The following WFDC11 variants were observed in gnomAD, a reference collection of about 807,000 sequenced individuals.
The protein encoded by WFDC11 is WAP four-disulfide core domain 11, also known as protein WFDC11.
WFDC11 carries 9 observed loss-of-function variants against 9.9 expected under a neutral mutation model. The ratio of observed to expected loss-of-function variants is 0.91; its 90% CI spans 0.55 to 1.58. WFDC11 has a LOEUF of 1.58. Ranked by LOEUF, WFDC11 falls within the 40% of genes most tolerant of loss-of-function variation. The pLI is 0.00. For missense variants in WFDC11, 106 were observed against 101.7 expected (o/e 1.04, Z -0.18); for synonymous variants, 32 against 33.3 (o/e 0.96, Z 0.13).
rs144763618 is a variant in WFDC11 at position 45,654,465 on chromosome 20, C to T, written c.-51-3814G>A. Among the ~76,000 whole-genome samples the T allele has an allele frequency of 1.4e-3, 206 of 152,220 alleles. 1 individual carries two copies. Among genetic ancestry groups the T allele is most frequent in the African/African-American group, 4.6e-3 (191 of 41,510 alleles). On this transcript the variant is annotated intron_variant, in intron 2 of 4. Transcript: ENST00000324384. ...AGGGAAATTTATGACACTAAATGCCCACAAGAGAGAGCAGGAAAGATCTAA... is the reference window on the plus strand; with the variant it reads ...AGGGAAATTTATGACACTAAATGCCTACAAGAGAGAGCAGGAAAGATCTAA...
At chr20:45,655,631 G>T (rs556425668) in intron 2 of WFDC11, among the ~76,000 whole-genome samples, 1 of 152,308 alleles carries the variant, frequency 6.6e-6, no homozygotes, top group South Asian at 2.1e-4. Context: ...TAGGAAAAGA[G>T]GAAGTCAAAT....
At chr20:45,662,690 G>A (rs187404594) in intron 2 of WFDC11, among the ~76,000 whole-genome samples, 4 of 152,292 alleles carry the variant, frequency 2.6e-5, no homozygotes, top group Admixed American at 2.6e-4. Context: ...TGTGGTTTTT[G>A]TCTTTGGTTC....
chr20:45,650,238 G>GTATATATATA (rs373093139), intron 3 of WFDC11, among the ~76,000 whole-genome samples: 3 of 150,004 alleles, frequency 2.0e-5, no homozygotes, highest in African/African-American at 4.9e-5. Flanking sequence ...ACATGTGTTT[G>GTATATATATA]TATATATATA....
At chr20:45,658,283 T>A (rs1982978876) in intron 2 of WFDC11, among the ~76,000 whole-genome samples, 1 of 152,182 alleles carries the variant, frequency 6.6e-6, no homozygotes, top group African/African-American at 2.4e-5. Context: ...ACAGTATTGC[T>A]AACTAAGGGC....
chr20:45,649,942 C>A lies in WFDC11; in HGVS notation c.101-543G>T, dbSNP rs534354144. The stretch of plus-strand genomic sequence containing the variant: ...GTTTTCTTAGCCCCTCTATTCACCC[C>A]ATTTTCTCATCATATGACCCCCAAG... On this transcript the variant is annotated intron_variant, in intron 3 of 4. Transcript: ENST00000324384. Among the ~76,000 whole-genome samples the A allele has an allele frequency of 7.2e-5, 11 of 152,210 alleles. No individual in the cohort carries two copies. The South Asian group carries it at 2.3e-3, about 32-fold the overall frequency.
intron 2 of WFDC11, among the ~76,000 whole-genome samples, chr20:45,661,494 C>T (rs6065855): frequency 0.053 from 8,105 of 152,160 alleles, 300 homozygotes; most frequent in African/African-American, 0.1. Context: ...TCCTTGCCCA[C>T]GCCTATGTCC....
intron 1 of WFDC11, among the ~76,000 whole-genome samples, chr20:45,668,466 T>C (rs1438364153): frequency 6.6e-6 from 1 of 150,706 alleles, no homozygotes; most frequent in East Asian, 2.0e-4. Context: ...ATTTATATCA[T>C]TTACTTCTCT....
intron 2 of WFDC11, among the ~76,000 whole-genome samples, chr20:45,663,401 A>G (rs761920757): frequency 2.6e-5 from 4 of 151,954 alleles, no homozygotes; most frequent in Non-Finnish European, 5.9e-5. Flanking sequence ...GATTTCTTGA[A>G]GTGTTTTTTT....
At chr20:45,668,072 A>C (rs180977140) in intron 1 of WFDC11, among the ~76,000 whole-genome samples, 5 of 152,328 alleles carry the variant, frequency 3.3e-5, no homozygotes, top group Admixed American at 3.3e-4. Flanking sequence ...TGGTAGAAAC[A>C]AGATTTGAAA....
chr20:45,655,104 C>T (rs1750065081), intron 2 of WFDC11, among the ~76,000 whole-genome samples: 1 of 152,058 alleles, frequency 6.6e-6, no homozygotes, highest in Non-Finnish European at 1.5e-5. Context: ...CATCCTGATA[C>T]CAAAGGCTGG....
chr20:45,656,599 T>A (rs13039030), intron 2 of WFDC11, among the ~76,000 whole-genome samples: 27,231 of 149,464 alleles, frequency 0.18, 2,717 homozygotes, highest in East Asian at 0.31. Flanking sequence ...ATCTAATTAA[T>A]CTAAAGAGCT....
At chr20:45,660,130 G>T (rs1983023678) in intron 2 of WFDC11, among the ~76,000 whole-genome samples, 3 of 152,104 alleles carry the variant, frequency 2.0e-5, no homozygotes, top group Admixed American at 2.0e-4. Context: ...TGCTCTTTCA[G>T]TCTTTTTGAT....
At chr20:45,652,085 A>C (rs1982820024) in intron 2 of WFDC11, among the ~76,000 whole-genome samples, 1 of 152,224 alleles carries the variant, frequency 6.6e-6, no homozygotes, top group Non-Finnish European at 1.5e-5. Context: ...TGAAGAGAGT[A>C]GTGTTTCTCC....
intron 2 of WFDC11, among the ~76,000 whole-genome samples, chr20:45,659,157 G>T (rs980353866): frequency 6.6e-6 from 1 of 152,210 alleles, no homozygotes; most frequent in Non-Finnish European, 1.5e-5. Context: ...ATTGTAAATA[G>T]TGCTGCAATA....
At chr20:45,660,454 G>T (rs1031845002) in intron 2 of WFDC11, among the ~76,000 whole-genome samples, 4 of 151,962 alleles carry the variant, frequency 2.6e-5, no homozygotes, top group Non-Finnish European at 5.9e-5. Flanking sequence ...TAGGGTACAT[G>T]TGCACAATGT....
intron 2 of WFDC11, among the ~76,000 whole-genome samples, chr20:45,659,572 C>A (rs6073836): frequency 1.3e-5 from 2 of 151,928 alleles, no homozygotes; most frequent in African/African-American, 4.8e-5. Context: ...TGGTTTTTTT[C>A]TTGTAAATGT....
At chr20:45,660,755 T>A (rs1402935891) in intron 2 of WFDC11, among the ~76,000 whole-genome samples, 2 of 152,220 alleles carry the variant, frequency 1.3e-5, no homozygotes, top group Non-Finnish European at 2.9e-5. Context: ...CTCACCATTT[T>A]TTATGGCTGC....
chr20:45,658,918 C>T (rs917123606), intron 2 of WFDC11, among the ~76,000 whole-genome samples: 2 of 151,616 alleles, frequency 1.3e-5, no homozygotes, highest in African/African-American at 2.4e-5. Context: ...CCCCCCCGTC[C>T]ATGTGTTCTC....
At chr20:45,650,247 T>TAGAG (rs1555803261) in intron 3 of WFDC11, among the ~76,000 whole-genome samples, 7 of 148,826 alleles carry the variant, frequency 4.7e-5, no homozygotes, top group African/African-American at 9.9e-5. Context: ...TGTATATATA[T>TAGAG]AGAGAGAGAG....
Sources: gnomAD v4.1 joint callset for allele counts (sites outside exome capture counted in the v4.1 genomes callset) on GRCh38, gnomAD v4.1.1 for gene constraint, MANE v1.5 for transcripts, NCBI Gene and HGNC (gene_info 2026-07-23, HGNC 2026-07-21) for gene names.